GRID2: variants seen among roughly 807,000 people sequenced by gnomAD.
GRID2 encodes the protein glutamate receptor ionotropic, delta-2.
GRID2 carries 33 observed loss-of-function variants against 114.8 expected under a neutral mutation model. That is an observed-to-expected ratio of 0.29 (90% confidence interval 0.22 to 0.38). The LOEUF (loss-of-function observed/expected upper bound fraction) is 0.38, where lower values mean the gene tolerates loss of function less well. GRID2 is among the 10% of genes least tolerant of loss of function. The pLI, the probability that GRID2 is intolerant of heterozygous loss-of-function variation, is 1.00. For synonymous variants in GRID2, 505 were observed against 449.9 expected (o/e 1.12, Z -1.55); for missense variants, 1,184 against 1,257.7 (o/e 0.94, Z 0.89).
intron 2 of GRID2, among the ~76,000 whole-genome samples, chr4:92,948,184 G>A (rs1751781545): frequency 6.6e-6 from 1 of 151,648 alleles, no homozygotes; most frequent in African/African-American, 2.4e-5. Context: ...ATAGTCTATG[G>A]TTATTTATAT....
chr4:92,845,305 T>C (rs1208806620), intron 2 of GRID2, among the ~76,000 whole-genome samples: 1 of 152,138 alleles, frequency 6.6e-6, no homozygotes. Flanking sequence ...GCAGTAGCCC[T>C]GTAACAATTT....
intron 2 of GRID2, among the ~76,000 whole-genome samples, chr4:92,805,778 T>C (rs1740381262): frequency 6.6e-6 from 1 of 151,970 alleles, no homozygotes; most frequent in African/African-American, 2.4e-5. Flanking sequence ...GCCTGAGTGA[T>C]AAAGTGAAAC....
At chr4:93,270,259 C>T (rs1454617464) in intron 8 of GRID2, among the ~76,000 whole-genome samples, 26 of 143,682 alleles carry the variant, frequency 1.8e-4, no homozygotes, top group Admixed American at 5.7e-4. Context: ...CACACACACA[C>T]GAGGTTGCAG....
At chr4:93,492,481 T>C (rs1303540002) in intron 12 of GRID2, among the ~76,000 whole-genome samples, 4 of 151,824 alleles carry the variant, frequency 2.6e-5, no homozygotes, top group African/African-American at 9.7e-5. Flanking sequence ...TGTATGAATC[T>C]TAGGTTTTAG....
At chr4:93,801,514 A>AC (rs1212650043) in intron 1 of GRID2, among the ~76,000 whole-genome samples, 2 of 152,108 alleles carry the variant, frequency 1.3e-5, no homozygotes, top group East Asian at 3.8e-4. Flanking sequence ...TTTATTAAAT[A>AC]TTTTTAATTT....
chr4:93,230,365 A>G (rs925631357), intron 7 of GRID2, among the ~76,000 whole-genome samples: 3 of 152,134 alleles, frequency 2.0e-5, no homozygotes, highest in African/African-American at 7.2e-5. Flanking sequence ...CAATTCTAAT[A>G]CTTTACGTAT....
intron 2 of GRID2, among the ~76,000 whole-genome samples, chr4:92,634,865 G>C (rs1288266928): frequency 5.1e-5 from 7 of 136,168 alleles, no homozygotes; most frequent in African/African-American, 2.0e-4. Context: ...GAGACAGAGA[G>C]AGAGAGAGAG....
intron 2 of GRID2, among the ~76,000 whole-genome samples, chr4:92,679,064 C>A (rs762958679): frequency 3.1e-4 from 47 of 150,878 alleles, no homozygotes; most frequent in Admixed American, 1.5e-3. Context: ...TAAATGTGAT[C>A]AGTTTTAAAT....
At chr4:93,089,789 GA>G (rs1403447567) in intron 3 of GRID2, among the ~76,000 whole-genome samples, 1 of 152,108 alleles carries the variant, frequency 6.6e-6, no homozygotes, top group East Asian at 1.9e-4. Context: ...GATGCTGGTG[GA>G]AAATACTAGG....
At chr4:93,124,497 A>T (rs1348101471) in intron 4 of GRID2, among the ~76,000 whole-genome samples, 1 of 152,188 alleles carries the variant, frequency 6.6e-6, no homozygotes, top group African/African-American at 2.4e-5. Flanking sequence ...ACCATAGATT[A>T]CCACTATCTG....
At chr4:93,687,616 G>C (rs76613369) in intron 14 of GRID2, among the ~76,000 whole-genome samples, 6,254 of 152,046 alleles carry the variant, frequency 0.041, 197 homozygotes, top group African/African-American at 0.081. Context: ...TAACAAATAA[G>C]ATTTAGAATT....
At chr4:92,852,412 A>G (rs965549222) in intron 2 of GRID2, among the ~76,000 whole-genome samples, 5 of 151,832 alleles carry the variant, frequency 3.3e-5, no homozygotes, top group Non-Finnish European at 7.4e-5. Flanking sequence ...TTTCCCTCAG[A>G]TAGGCTGAAC....
intron 11 of GRID2, among the ~76,000 whole-genome samples, chr4:93,465,784 C>T (rs935474904): frequency 6.6e-6 from 1 of 152,122 alleles, no homozygotes; most frequent in African/African-American, 2.4e-5. Context: ...ATTAGGAAAA[C>T]TTGTTTAGCT....
chr4:92,599,692 C>A (rs1729109835), intron 2 of GRID2, among the ~76,000 whole-genome samples: 1 of 151,968 alleles, frequency 6.6e-6, no homozygotes. Flanking sequence ...AGCTATATTT[C>A]AAACATAAAT....
At chr4:92,739,933 A>T (rs1269005571) in intron 2 of GRID2, among the ~76,000 whole-genome samples, 1 of 152,140 alleles carries the variant, frequency 6.6e-6, no homozygotes, top group East Asian at 1.9e-4. Context: ...ACCTTCCATA[A>T]TATTTTTTCT....
chr4:92,653,905 C>T (rs554847764), intron 2 of GRID2, among the ~76,000 whole-genome samples: 1 of 152,144 alleles, frequency 6.6e-6, no homozygotes, highest in South Asian at 2.1e-4. Flanking sequence ...GGATGGTTAA[C>T]CTCTGTAGCT....
chr4:93,541,905 T>C (rs974771805), intron 13 of GRID2, among the ~76,000 whole-genome samples: 17 of 152,198 alleles, frequency 1.1e-4, no homozygotes. Flanking sequence ...CAAAGATGTA[T>C]GGACAATAAG....
intron 5 of GRID2, among the ~76,000 whole-genome samples, chr4:93,207,801 A>C (rs1742988084): frequency 6.6e-6 from 1 of 151,878 alleles, no homozygotes; most frequent in South Asian, 2.1e-4. Flanking sequence ...TTCCATTTAT[A>C]TTTTAATGTT....
At chr4:93,075,243 A>G (rs1175571583) in intron 2 of GRID2, among the ~76,000 whole-genome samples, 1 of 152,176 alleles carries the variant, frequency 6.6e-6, no homozygotes, top group African/African-American at 2.4e-5. Context: ...CTTCCAATAA[A>G]ATCTAACATC....
Sources: gnomAD v4.1 joint callset for allele counts (sites outside exome capture counted in the v4.1 genomes callset) on GRCh38, gnomAD v4.1.1 for gene constraint, MANE v1.5 for transcripts, NCBI Gene and HGNC (gene_info 2026-07-23, HGNC 2026-07-21) for gene names.